NLRX1: variants seen among roughly 807,000 people sequenced by gnomAD.
The protein encoded by NLRX1 is NOD-like receptor X1.
A neutral mutation model predicts 74.2 loss-of-function variants in NLRX1; 67 were observed. That is an observed-to-expected ratio of 0.90 (90% confidence interval 0.74 to 1.11). The LOEUF (loss-of-function observed/expected upper bound fraction) is 1.11, where lower values mean the gene tolerates loss of function less well. Ranked by LOEUF, NLRX1 falls within the 50% of genes least tolerant of loss-of-function variation. The pLI, the probability that NLRX1 is intolerant of heterozygous loss-of-function variation, is 0.00. For missense variants in NLRX1, 1,191 were observed against 1,305.4 expected (o/e 0.91, Z 1.35); for synonymous variants, 506 against 559.1 (o/e 0.91, Z 1.34).
intron 6 of NLRX1, among the ~76,000 whole-genome samples, 160 bp from the exon 7 acceptor site, chr11:119,179,533 A>G (rs555277980): frequency 1.1e-4 from 16 of 152,186 alleles, no homozygotes; most frequent in Non-Finnish European, 2.1e-4. Context: ...GAGCCATGGA[A>G]GGTGTCGCAG....
rs374042329 is a variant in NLRX1 at position 119,177,943 on chromosome 11, A to G, written c.1672-1750A>G. 3.9e-5 allele frequency: 6 copies of G among 152,200 alleles called. No homozygotes were observed. In the East Asian group the frequency reaches 7.7e-4, roughly 20 times the overall value. 9.4% of individuals were successfully genotyped at this position (152,200 alleles called of 1,614,324 possible). A position where few individuals can be genotyped will look rare whatever the true frequency, so the allele number is the denominator to read the frequency against. ...TGTGGATTCAGCTTCACAGGGTGAC[A>G]TATTCTGTCACAGGTTGGTGTTGGA... On this transcript the variant is annotated intron_variant, in intron 6 of 9. Transcript: ENST00000409109.
At chr11:119,177,928 G>C (rs891244274) in intron 6 of NLRX1, 2 of 152,238 alleles carry the variant, frequency 1.3e-5, no homozygotes, top group Non-Finnish European at 2.9e-5. Flanking sequence ...TGTGGATTCA[G>C]CTTCACAGGG....
intron 1 of NLRX1, among the ~76,000 whole-genome samples, chr11:119,170,950 C>T (rs626984): frequency 0.42 from 63,560 of 151,982 alleles, 13,852 homozygotes; most frequent in East Asian, 0.71. Flanking sequence ...TCAAGACCAG[C>T]TTAACCAACA....
chr11:119,180,381 C>T lies in NLRX1; in HGVS notation c.2267+93C>T, dbSNP rs371096724. 4.4e-5 allele frequency: 45 copies of T among 1,014,656 alleles called. No homozygotes were observed. The East Asian group carries it at 7.6e-4, about 17-fold the overall frequency. 62.9% of individuals were successfully genotyped at this position (1,014,656 alleles called of 1,614,324 possible). ...AAAGTGCCAGGGAAACCAGAGGTAC[C>T]GATGAGTGACCAGAAGGTGGGATGA... is the stretch of plus-strand genomic sequence containing the variant. On this transcript the variant is annotated intron_variant, in intron 7 of 9. Coordinates refer to ENST00000409109, the MANE Select transcript of NLRX1 (RefSeq NM_001282144.2).
At position 119,182,169 on chromosome 11, in the gene NLRX1, G is replaced by A. The variant is rs888196096; in HGVS notation, c.2430G>A (p.Thr810=). ...GGCTGGCAGGAAACACCTCAGTGAC[G>A]CACCTGTCCCTGCTGCACACGGGCC... ...MEGLAGNTSV[T]HLSLLHTGLG... The change falls in exon 9 of 10, where the codon ACG becomes ACA. Residue 810 remains threonine (T), a synonymous_variant. Coordinates refer to ENST00000409109, the MANE Select transcript of NLRX1 (RefSeq NM_001282144.2). 6.2e-7 allele frequency: 1 copy of A among 1,614,122 alleles called. No individual in the cohort carries two copies. The highest frequency in any genetic ancestry group is 8.5e-7 in the Non-Finnish European group (1 of 1,180,030).
rs765930129 is a variant in NLRX1, at chr11:119,174,865, T to C, written c.1262T>C (p.Leu421Pro). The C allele has an allele frequency of 6.2e-7, 1 of 1,614,080 alleles. No individual in the cohort carries two copies. Among genetic ancestry groups the C allele is most frequent in the Non-Finnish European group, 8.5e-7 (1 of 1,180,034 alleles). Residue 421 changes from leucine to proline, a missense_variant, in exon 6 of 10, where the codon CTG (leucine) becomes CCG (proline). Coordinates refer to ENST00000409109, the MANE Select transcript of NLRX1 (RefSeq NM_001282144.2). ...AGCACTGACCCCTCCAATTTGTCCC[T>C]GATGGCCTATGCAGCCCGAACCATG... is the stretch of plus-strand genomic sequence containing the variant. ...LDSTDPSNLSLMAYAARTMGK... is the reference protein window; with the variant it reads ...LDSTDPSNLSPMAYAARTMGK...
rs1239939171 is a variant in NLRX1 at position 119,174,773 on chromosome 11, T to C, written c.1170T>C (p.Ala390=). ...TLHFLHAPTP[A]GQTLTSIYTS... is the part of the protein sequence containing the mutation. The stretch of plus-strand genomic sequence containing the variant: ...ACTTCCTGCATGCCCCCACGCCTGC[T>C]GGGCAGACCCTTACAAGCATCTATA... Residue 390 remains alanine (A), a synonymous_variant, in exon 6 of 10, where the codon GCT becomes GCC. Transcript: ENST00000409109. The C allele has an allele frequency of 8.1e-6, 13 of 1,613,706 alleles. No homozygotes were observed. Among genetic ancestry groups the C allele is most frequent in the African/African-American group, 1.3e-5 (1 of 74,952 alleles).
intron 1 of NLRX1, among the ~76,000 whole-genome samples, chr11:119,170,269 G>A (rs1948509448): frequency 6.6e-6 from 1 of 152,078 alleles, no homozygotes; most frequent in Non-Finnish European, 1.5e-5. Context: ...GAGACTGAAG[G>A]CAGAAAGGCT....
chr11:119,179,907 G>C lies in NLRX1; in HGVS notation c.1886G>C (p.Gly629Ala), dbSNP rs760605008. 1.2e-6 allele frequency: 2 copies of C among 1,611,784 alleles called. No individual in the cohort carries two copies. Among genetic ancestry groups the C allele is most frequent in the Non-Finnish European group, 1.7e-6 (2 of 1,178,328 alleles). ...GAGCTCTTCCCCATGTTCATGGGGGGGCTTCTCTCTGCCCACAACCGAGCT... is the reference window on the plus strand; with the variant it reads ...GAGCTCTTCCCCATGTTCATGGGGGCGCTTCTCTCTGCCCACAACCGAGCT... ...VFELFPMFMG[G>A]LLSAHNRAVL... is the part of the protein sequence containing the mutation. Residue 629 changes from glycine (G) to alanine (A), a missense_variant, in exon 7 of 10, where the codon GGG becomes GCG. Transcript: ENST00000409109.
intron 8 of NLRX1, among the ~76,000 whole-genome samples, 198 bp from the exon 9 acceptor site, chr11:119,181,896 A>G (rs887945823): frequency 6.6e-6 from 1 of 151,812 alleles, no homozygotes; most frequent in Non-Finnish European, 1.5e-5. Flanking sequence ...CAGGCGCCAC[A>G]CCCCCTATTG....
intron 7 of NLRX1, among the ~76,000 whole-genome samples, chr11:119,180,667 C>T (rs1235246676): frequency 6.6e-6 from 1 of 150,462 alleles, no homozygotes; most frequent in African/African-American, 2.5e-5. Context: ...TGCCATCGCA[C>T]TCCAGCCTGG....
At chr11:119,172,299 A>G (rs1948569818) in intron 2 of NLRX1, 57 bp from the exon 3 acceptor site, 12 of 1,348,152 alleles carry the variant, frequency 8.9e-6, no homozygotes, top group East Asian at 2.3e-5. Context: ...TGATGTAGAC[A>G]TGGGTTCTGT....
At position 119,173,899 on chromosome 11, in the gene NLRX1, C is replaced by T; in HGVS notation, c.650C>T (p.Ala217Val). ...PAPASLCQLV[A>V]QRYTPLKEVL... ...CCAGCCTCCCTGTGCCAACTTGTGG[C>T]CCAGCGCTACACGCCCCTGAAGGAG... The change falls in exon 5 of 10, where the codon GCC becomes GTC. Residue 217 changes from alanine (A) to valine (V), a missense_variant. Coordinates refer to ENST00000409109, the MANE Select transcript of NLRX1 (RefSeq NM_001282144.2). This position sits in a 1 kb window ranked among gnomAD's most constrained non-coding sequence, Gnocchi z 4.0. 9 of 1,613,456 alleles carry T rather than the reference C, an allele frequency of 5.6e-6. No homozygotes were observed. The highest frequency in any genetic ancestry group is 7.6e-6 in the Non-Finnish European group (9 of 1,180,026).
At chr11:119,172,263 G>GC in intron 2 of NLRX1, 93 bp from the exon 3 acceptor site, 1 of 949,642 alleles carries the variant, frequency 1.1e-6, no homozygotes, top group Non-Finnish European at 1.7e-6. Context: ...AGTACATGCT[G>GC]CTATGAGAGC....
At chr11:119,179,643 T>TGAACAGGCACATGGAAGGCC (rs540866796) in intron 6 of NLRX1, 50 bp from the exon 7 acceptor site, 145,121 of 1,487,394 alleles carry the variant, frequency 0.098, 12,743 homozygotes, top group African/African-American at 0.34. Flanking sequence ...CCTTGAAGGC[T>TGAACAGGCACATGGAAGGCC]GAACAGGCAC....
chr11:119,171,303 G>A (rs1948540897), intron 1 of NLRX1, 53 bp from the exon 2 acceptor site: 1 of 1,291,354 alleles, frequency 7.7e-7, no homozygotes, highest in African/African-American at 1.5e-5. Flanking sequence ...ATGGGGTTAG[G>A]GGTGCAGGGG....
chr11:119,180,055 C>G lies in NLRX1; in HGVS notation c.2034C>G (p.His678Gln). The change falls in exon 7 of 10, where the codon CAC (histidine) becomes CAG (glutamine). Residue 678 changes from histidine (H) to glutamine (Q), a missense_variant. By Grantham distance (24) the His-to-Gln change is conservative. Transcript: ENST00000409109. ...QVLPPSELLD[H>Q]LFFHYEFQNQ... ...TGCCCCCATCAGAGCTCCTTGACCA[C>G]CTCTTCTTCCACTATGAGTTCCAGA... 2 of 1,613,692 alleles carry G rather than the reference C, an allele frequency of 1.2e-6. No individual in the cohort carries two copies. The highest frequency in any genetic ancestry group is 1.7e-6 in the Non-Finnish European group (2 of 1,180,036).
chr11:119,183,147 G>A lies in NLRX1; in HGVS notation c.2636G>A (p.Gly879Asp), dbSNP rs1307929885. The A allele has an allele frequency of 1.2e-6, 2 of 1,613,990 alleles. No individual in the cohort carries two copies. The highest frequency in any genetic ancestry group is 1.7e-6 in the Non-Finnish European group (2 of 1,180,018). ...HLYFNELSSE[G>D]RQVLRDLGGA... ...TACTTCAATGAGCTGAGCTCAGAGG[G>A]CCGCCAGGTCTTGCGAGACTTGGGG... is the stretch of plus-strand genomic sequence containing the variant. The change falls in exon 10 of 10, where the codon GGC becomes GAC. Residue 879 changes from glycine (G) to aspartate (D), a missense_variant. Transcript: ENST00000409109. The surrounding 1 kb of genome is among the most constrained non-coding windows in gnomAD (Gnocchi z 5.7).
rs114919868 is a variant in NLRX1 at position 119,182,012 on chromosome 11, T to C, written c.2355-82T>C. ...GACACCCAGCACAGGGCTGCCCCAT[T>C]AAGGCTGCCAGTACCACCCCCAACC... On this transcript the variant is annotated intron_variant, in intron 8 of 9. Coordinates refer to ENST00000409109, the MANE Select transcript of NLRX1 (RefSeq NM_001282144.2). 7.5e-3 allele frequency: 11,665 copies of C among 1,545,770 alleles called. 690 individuals carry two copies. The African/African-American group carries it at 0.13, about 17-fold the overall frequency.
Sources: allele counts gnomAD v4.1 joint callset (sites outside exome capture counted in the v4.1 genomes callset), GRCh38; gene constraint gnomAD v4.1.1; non-coding constraint Gnocchi (gnomAD v3.1); transcripts MANE v1.5; gene names NCBI Gene and HGNC (gene_info 2026-07-23, HGNC 2026-07-21).